LPP: variants seen among roughly 807,000 people sequenced by gnomAD.
LPP encodes the protein LIM domain containing preferred translocation partner in lipoma.
LPP carries 38 observed loss-of-function variants against 60.4 expected under a neutral mutation model. That is an observed-to-expected ratio of 0.63 (90% CI 0.49 to 0.83). LPP has a LOEUF of 0.83. Among genes scored for constraint, LPP ranks in the 40% least tolerant of loss-of-function variants. The pLI is 0.00. For synonymous variants in LPP, 328 were observed against 290.8 expected (o/e 1.13, Z -1.30); for missense variants, 902 against 783.6 (o/e 1.15, Z -1.80).
At chr3:188,175,379 C>T (rs932761732) in intron 1 of LPP, among the ~76,000 whole-genome samples, 2 of 152,176 alleles carry the variant, frequency 1.3e-5, no homozygotes, top group African/African-American at 4.8e-5. Flanking sequence ...TGAGCCACCA[C>T]GCCCCACCTA....
At chr3:188,661,673 A>G (rs1466208977) in intron 7 of LPP, among the ~76,000 whole-genome samples, 1 of 152,182 alleles carries the variant, frequency 6.6e-6, no homozygotes, top group Non-Finnish European at 1.5e-5. Flanking sequence ...GATATTTTCA[A>G]TAATAATAGT....
intron 1 of LPP, among the ~76,000 whole-genome samples, chr3:188,194,641 G>A (rs1278920235): frequency 2.0e-5 from 3 of 152,192 alleles, no homozygotes; most frequent in African/African-American, 7.2e-5. Flanking sequence ...GATGTTGGAA[G>A]TCAAAATATT....
intron 5 of LPP, among the ~76,000 whole-genome samples, chr3:188,500,909 CT>C (rs1170419443): frequency 6.6e-6 from 1 of 151,790 alleles, no homozygotes; most frequent in Non-Finnish European, 1.5e-5. Flanking sequence ...TTATTTTTGT[CT>C]TTTGTAGTTT....
intron 2 of LPP, among the ~76,000 whole-genome samples, chr3:188,309,091 T>G (rs1457308008): frequency 1.4e-5 from 2 of 145,886 alleles, no homozygotes; most frequent in Non-Finnish European, 3.0e-5. Context: ...GTGCAATCCC[T>G]GCTCCTGCAT....
intron 2 of LPP, among the ~76,000 whole-genome samples, chr3:188,260,231 C>T (rs1378670850): frequency 2.0e-5 from 3 of 151,948 alleles, no homozygotes; most frequent in Non-Finnish European, 4.4e-5. Context: ...TTGGTAGAGA[C>T]AGGGTTTCAC....
intron 3 of LPP, among the ~76,000 whole-genome samples, chr3:188,387,330 C>T (rs1289264713): frequency 6.6e-6 from 1 of 151,890 alleles, no homozygotes; most frequent in Non-Finnish European, 1.5e-5. Context: ...CATAAATTAC[C>T]CATCATGCTG....
chr3:188,490,751 ATTTTT>A (rs58700818), intron 5 of LPP, among the ~76,000 whole-genome samples: 10 of 91,740 alleles, frequency 1.1e-4, no homozygotes, highest in Non-Finnish European at 1.9e-4. Flanking sequence ...TGGCACTGGA[ATTTTT>A]TTTTTTTTTT....
intron 8 of LPP, 181 bp downstream of exon 8, chr3:188,708,574 G>A (rs1428355113): frequency 1.3e-6 from 1 of 766,224 alleles, no homozygotes; most frequent in African/African-American, 1.7e-5. Context: ...TGCCATAGAT[G>A]TGATGTCTAC....
intron 8 of LPP, chr3:188,709,872 ATT>A (rs1197602925): frequency 9.2e-5 from 14 of 152,310 alleles, no homozygotes; most frequent in Admixed American, 5.9e-4. Context: ...GGAAGATGAA[ATT>A]TTATCATTAT....
intron 9 of LPP, among the ~76,000 whole-genome samples, chr3:188,854,446 G>A (rs1374070321): frequency 2.0e-5 from 3 of 150,162 alleles, no homozygotes; most frequent in East Asian, 1.9e-4. Flanking sequence ...TGCCCTCTTC[G>A]GAAGGGAACC....
chr3:188,448,753 T>G (rs1795922088), intron 4 of LPP, among the ~76,000 whole-genome samples: 2 of 152,202 alleles, frequency 1.3e-5, no homozygotes, highest in Non-Finnish European at 2.9e-5. Flanking sequence ...AAACAACATT[T>G]GTAAAGAAAA....
chr3:188,516,992 T>G (rs1236333520), intron 5 of LPP, among the ~76,000 whole-genome samples: 2 of 152,182 alleles, frequency 1.3e-5, no homozygotes, highest in African/African-American at 2.4e-5. Context: ...TAGTTTTACT[T>G]TTGATCAAAG....
chr3:188,292,256 T>C (rs76271314), intron 2 of LPP, among the ~76,000 whole-genome samples: 2,048 of 152,342 alleles, frequency 0.013, 19 homozygotes, highest in African/African-American at 0.016. Context: ...CTTCTACTGA[T>C]GTACAAACTG....
intron 1 of LPP, among the ~76,000 whole-genome samples, chr3:188,162,857 G>C (rs1440187617): frequency 6.6e-6 from 1 of 152,186 alleles, no homozygotes; most frequent in African/African-American, 2.4e-5. Flanking sequence ...TTTAGACCTA[G>C]ACAACTCCTA....
At chr3:188,866,869 A>G (rs1013980601) in intron 10 of LPP, among the ~76,000 whole-genome samples, 2 of 152,200 alleles carry the variant, frequency 1.3e-5, no homozygotes, top group Non-Finnish European at 2.9e-5. Context: ...GGACAGACAC[A>G]GAGAACCATT....
At chr3:188,573,555 CTTAT>C (rs1833972753) in intron 6 of LPP, among the ~76,000 whole-genome samples, 1 of 152,134 alleles carries the variant, frequency 6.6e-6, no homozygotes, top group Non-Finnish European at 1.5e-5. Context: ...CCTCCTTTGA[CTTAT>C]TTAACCTTTC....
chr3:188,685,014 G>C (rs1326236447), intron 7 of LPP, among the ~76,000 whole-genome samples: 2 of 152,194 alleles, frequency 1.3e-5, no homozygotes, highest in African/African-American at 4.8e-5. Flanking sequence ...TGTTCCATGT[G>C]TTTTCTTAAC....
chr3:188,217,752 T>TA lies in LPP; in HGVS notation c.-189-7651dup, dbSNP rs1714204236. Among the ~76,000 whole-genome samples the TA allele has an allele frequency of 6.6e-6, 1 of 152,144 alleles. No homozygotes were observed. The highest frequency in any genetic ancestry group is 2.4e-5 in the African/African-American group (1 of 41,428). ...TAGGTGCCCTAGGGGGTTGCCCAGA[T>TA]AAGCAGCTGGCGTTCCAAGACCAAA... is the stretch of plus-strand genomic sequence containing the variant. On this transcript the variant is annotated intron_variant, in intron 1 of 11. Transcript: ENST00000617246. The surrounding 1 kb of genome is among the most constrained non-coding windows in gnomAD (Gnocchi z 4.0).
chr3:188,378,355 C>T (rs1049209959), intron 3 of LPP, among the ~76,000 whole-genome samples: 1 of 152,234 alleles, frequency 6.6e-6, no homozygotes, highest in Non-Finnish European at 1.5e-5. Context: ...TGGGCTCCAC[C>T]GAGTTCAAGC....
Sources: allele counts gnomAD v4.1 joint callset (sites outside exome capture counted in the v4.1 genomes callset), GRCh38; gene constraint gnomAD v4.1.1; non-coding constraint Gnocchi (gnomAD v3.1); transcripts MANE v1.5; gene names NCBI Gene and HGNC (gene_info 2026-07-23, HGNC 2026-07-21).